C2CD5: variants seen among roughly 807,000 people sequenced by gnomAD.
C2CD5 encodes the protein C2 domain-containing protein 5.
In C2CD5, 109 loss-of-function variants were observed where a neutral mutation model predicts 130.3. The ratio of observed to expected loss-of-function variants is 0.84; its 90% confidence interval spans 0.72 to 0.98. The LOEUF is 0.98. Among genes scored for constraint, C2CD5 ranks in the 50% least tolerant of loss-of-function variants. C2CD5 has a pLI of 0.00. For missense variants in C2CD5, 996 were observed against 1,261.8 expected, an observed-to-expected ratio of 0.79 and a Z score of 3.19; for synonymous variants, 454 against 429.2, an observed-to-expected ratio of 1.06 and a Z score of -0.71.
In C2CD5 at chr12:22,456,987, G is replaced by C; in HGVS notation, c.2861C>G (p.Thr954Ser). 6.3e-7 allele frequency: 1 copy of C among 1,587,774 alleles called. No homozygotes were observed. The highest frequency in any genetic ancestry group is 8.6e-7 in the Non-Finnish European group (1 of 1,164,602). The change falls in exon 25 of 27, where the codon ACT (threonine) becomes AGT (serine). Residue 954 changes from threonine to serine, a missense_variant. Physicochemically the swap from Thr to Ser is moderately conservative, Grantham distance 58. Coordinates refer to ENST00000446597, the MANE Select transcript of C2CD5 (RefSeq NM_001286176.2). ...GIINMFFIRE[T>S]TSLREEGGVS... ...TAAAATTACCTCCCGAAGAGAAGTA[G>C]TCTCTCGAATAAAAAACATGTTAAT...
intron 7 of C2CD5, among the ~76,000 whole-genome samples, chr12:22,523,031 T>A (rs1252296569): frequency 6.6e-6 from 1 of 152,014 alleles, no homozygotes; most frequent in Non-Finnish European, 1.5e-5. Flanking sequence ...CTAGGCAACA[T>A]GACAAAACCC....
chr12:22,517,565 T>G (rs1489586366), intron 8 of C2CD5, among the ~76,000 whole-genome samples: 1 of 152,050 alleles, frequency 6.6e-6, no homozygotes, highest in Non-Finnish European at 1.5e-5. Flanking sequence ...ACCATTTCAG[T>G]GGTTTAAAGT....
At chr12:22,505,254 C>CTTTTTTT (rs371726014) in intron 10 of C2CD5, among the ~76,000 whole-genome samples, 6 of 106,326 alleles carry the variant, frequency 5.6e-5, no homozygotes, top group Admixed American at 8.9e-5. Context: ...TTCTTTCTTT[C>CTTTTTTT]TTTTTTTTTT....
chr12:22,480,402 CT>C (rs1944540642), intron 14 of C2CD5, among the ~76,000 whole-genome samples: 2 of 152,186 alleles, frequency 1.3e-5, no homozygotes, highest in African/African-American at 4.8e-5. Flanking sequence ...AAAGAAGCTA[CT>C]CTTGAGAACT....
chr12:22,455,950 G>A (rs1052533269), intron 25 of C2CD5, among the ~76,000 whole-genome samples: 5 of 152,274 alleles, frequency 3.3e-5, no homozygotes, highest in South Asian at 4.1e-4. Context: ...CTCCCAAAGT[G>A]GTGAGAATAT....
Position 22,524,465 on chromosome 12 carries a change from T to A in C2CD5, c.601+7A>T, listed in dbSNP as rs781727635. ...CAGTCAGTAATAAAGTTATTTTTTTTAAATACCTGACATTAACGAAATGAG... is the reference window on the plus strand; with the variant it reads ...CAGTCAGTAATAAAGTTATTTTTTTAAAATACCTGACATTAACGAAATGAG... On this transcript the variant is annotated splice_region_variant and intron_variant, in intron 6 of 26. Coordinates refer to ENST00000446597, the MANE Select transcript of C2CD5 (RefSeq NM_001286176.2). 14 of 1,611,040 alleles carry A rather than the reference T, an allele frequency of 8.7e-6. No individual in the cohort carries two copies. Among genetic ancestry groups the A allele is most frequent in the Admixed American group, 6.7e-5 (4 of 59,452 alleles).
At chr12:22,478,013 A>T (rs1029967972) in intron 15 of C2CD5, 29 of 240,304 alleles carry the variant, frequency 1.2e-4, no homozygotes, top group Admixed American at 9.8e-4. Flanking sequence ...ACACACACTC[A>T]CACACACACA....
chr12:22,524,896 GA>G, intron 5 of C2CD5, among the ~76,000 whole-genome samples: 1 of 152,104 alleles, frequency 6.6e-6, no homozygotes. Context: ...AACAGCTATA[GA>G]AGACCTTAAA....
At chr12:22,506,918 T>G (rs1047528856) in intron 9 of C2CD5, 99 bp from the exon 10 acceptor site, 6 of 715,392 alleles carry the variant, frequency 8.4e-6, no homozygotes, top group Non-Finnish European at 1.3e-5. Flanking sequence ...TTACATCCCT[T>G]GAAATAAAAG....
rs762756302 is a variant in C2CD5, at chr12:22,471,959, G to C, written c.2268+8C>G. 2.0e-6 allele frequency: 3 copies of C among 1,497,712 alleles called. No individual in the cohort carries two copies. The highest frequency in any genetic ancestry group is 2.8e-6 in the Non-Finnish European group (3 of 1,074,790). 92.8% of individuals were successfully genotyped at this position (1,497,712 alleles called of 1,614,324 possible). On this transcript the variant is annotated splice_region_variant and intron_variant, in intron 19 of 26. Transcript: ENST00000446597. Reference sequence around the variant, plus strand: ...GCATGAAATAAAATTTAGTCAGAAGGTTCCTACCTTGAGCAAATTTTCACA... The same window carrying C: ...GCATGAAATAAAATTTAGTCAGAAGCTTCCTACCTTGAGCAAATTTTCACA...
At chr12:22,491,709 TA>T (rs993200170) in intron 11 of C2CD5, among the ~76,000 whole-genome samples, 1 of 151,782 alleles carries the variant, frequency 6.6e-6, no homozygotes, top group African/African-American at 2.4e-5. Context: ...CCATCTCTAC[TA>T]AAAATATGAA....
At chr12:22,496,317 T>A (rs1947006090) in intron 10 of C2CD5, among the ~76,000 whole-genome samples, 1 of 152,086 alleles carries the variant, frequency 6.6e-6, no homozygotes, top group African/African-American at 2.4e-5. Context: ...CTTATAGGAA[T>A]GTATTGTGTT....
In C2CD5 at chr12:22,544,481, T is replaced by TC; in HGVS notation, c.-192_-191insG. 4.8e-6 allele frequency: 1 copy of TC among 208,508 alleles called. No individual in the cohort carries two copies. Among genetic ancestry groups the TC allele is most frequent in the East Asian group, 1.3e-4 (1 of 7,836 alleles). The allele number at this position is 208,508 out of a possible 1,614,324, so 12.9% of individuals were successfully genotyped here. A position where few individuals can be genotyped will look rare whatever the true frequency, so the allele number is the denominator to read the frequency against. ...CCCGTTGAGCCTCTGCCGCCCCTGC[T>TC]TGTCTCTCCTCCCCCGCTCTCAAAA... On this transcript the variant is annotated 5_prime_UTR_variant, in exon 1 of 27. An upstream open reading frame in the 5' UTR gains an earlier in-frame stop. Coordinates refer to ENST00000446597, the MANE Select transcript of C2CD5 (RefSeq NM_001286176.2).
At position 22,465,962 on chromosome 12, in the gene C2CD5, A is replaced by G. The variant is rs533456552; in HGVS notation, c.2533+3747T>C. On this transcript the variant is annotated intron_variant, in intron 22 of 26. Coordinates refer to ENST00000446597, the MANE Select transcript of C2CD5 (RefSeq NM_001286176.2). The stretch of plus-strand genomic sequence containing the variant: ...ATAAATTTGAGACATACATCAAACT[A>G]CTCTGCTACCTTTAAAAACAAAACC... 3.3e-5 allele frequency among the ~76,000 whole-genome samples: 5 copies of G among 152,230 alleles called. No individual in the cohort carries two copies. The South Asian group carries it at 1.0e-3, about 32-fold the overall frequency.
chr12:22,533,054 C>A (rs1364055449), intron 3 of C2CD5, among the ~76,000 whole-genome samples: 1 of 152,088 alleles, frequency 6.6e-6, no homozygotes, highest in African/African-American at 2.4e-5. Context: ...GAGTCTATTA[C>A]ACGCTCTTCT....
chr12:22,524,320 A>C (rs1303465899), intron 6 of C2CD5, 152 bp downstream of exon 6: 1 of 629,198 alleles, frequency 1.6e-6, no homozygotes, highest in Non-Finnish European at 2.7e-6. Flanking sequence ...AGGGCAATGC[A>C]AGTGTGTTCA....
intron 22 of C2CD5, among the ~76,000 whole-genome samples, chr12:22,465,801 A>G: frequency 6.6e-6 from 1 of 152,148 alleles, no homozygotes; most frequent in East Asian, 1.9e-4. Context: ...TTCTCATAAC[A>G]CACTCTTGAA....
At chr12:22,474,407 T>C (rs982609470) in intron 16 of C2CD5, among the ~76,000 whole-genome samples, 4 of 152,110 alleles carry the variant, frequency 2.6e-5, no homozygotes, top group East Asian at 1.9e-4. Flanking sequence ...TACAGTAATA[T>C]ACAAAAAAGG....
intron 15 of C2CD5, 30 bp downstream of exon 15, chr12:22,478,283 A>G (rs780347470): frequency 6.5e-7 from 1 of 1,548,434 alleles, no homozygotes; most frequent in Non-Finnish European, 8.9e-7. Context: ...AATAACTGAT[A>G]CATTCACAAT....
Sources: allele counts gnomAD v4.1 joint callset (sites outside exome capture counted in the v4.1 genomes callset), GRCh38; gene constraint gnomAD v4.1.1; transcripts MANE v1.5; gene names NCBI Gene and HGNC (gene_info 2026-07-23, HGNC 2026-07-21).